Variants in ETV1 observed in about 807,000 individuals in gnomAD.
ETV1 encodes ETS translocation variant 1.
A neutral mutation model predicts 62.3 loss-of-function variants in ETV1; 27 were observed. The observed-to-expected ratio is 0.43, with a 90% confidence interval of 0.32 to 0.60. ETV1 has a LOEUF of 0.60. Among genes scored for constraint, ETV1 ranks in the 20% least tolerant of loss-of-function variants. ETV1 has a pLI of 0.06. For missense variants in ETV1, 605 were observed against 605.8 expected (o/e 1.00, Z 0.01); for synonymous variants, 222 against 199.6 (o/e 1.11, Z -0.94).
chr7:13,916,122 G>A (rs930484805), intron 9 of ETV1, among the ~76,000 whole-genome samples: 1 of 152,178 alleles, frequency 6.6e-6, no homozygotes, highest in Admixed American at 6.5e-5. Flanking sequence ...ACAAGGGAGT[G>A]ATGAATTTAG....
rs1184018622 is a variant in ETV1, at chr7:13,900,724, T to C, written c.1212+14A>G. ...AACATTTCAATGAATTTTAATGCTG[T>C]ATTAGCTGCTCACCTTTTGCATAAT... On this transcript the variant is annotated intron_variant, in intron 13 of 13. Transcript: ENST00000430479. 3 of 1,531,666 alleles carry C rather than the reference T, an allele frequency of 2.0e-6. No individual in the cohort carries two copies. The highest frequency in any genetic ancestry group is 4.5e-5 in the East Asian group (2 of 44,066). 94.9% of individuals were successfully genotyped at this position (1,531,666 alleles called of 1,614,324 possible).
chr7:13,914,085 A>G (rs1360772015), intron 9 of ETV1, among the ~76,000 whole-genome samples: 1 of 151,606 alleles, frequency 6.6e-6, no homozygotes, highest in Non-Finnish European at 1.5e-5. Flanking sequence ...GGGTTTCACC[A>G]TGTTGACCAG....
chr7:13,926,578 C>G (rs11505384), intron 9 of ETV1, among the ~76,000 whole-genome samples: 11,781 of 152,160 alleles, frequency 0.077, 842 homozygotes, highest in African/African-American at 0.19. Flanking sequence ...GTATTTAACA[C>G]TTCTTATGTG....
intron 6 of ETV1, among the ~76,000 whole-genome samples, chr7:13,948,919 T>A (rs1788477766): frequency 6.6e-6 from 1 of 152,132 alleles, no homozygotes; most frequent in Admixed American, 6.6e-5. Context: ...CAGCCTTGTG[T>A]AGCCAATTTT....
chr7:13,907,082 G>GA (rs1183043699), intron 11 of ETV1, among the ~76,000 whole-genome samples: 3 of 152,102 alleles, frequency 2.0e-5, no homozygotes, highest in African/African-American at 7.2e-5. Context: ...ACCTGCTCAT[G>GA]AAAAACTATT....
chr7:13,919,890 CAG>C (rs34895274), intron 9 of ETV1, among the ~76,000 whole-genome samples: 223 of 148,186 alleles, frequency 1.5e-3, no homozygotes, highest in Admixed American at 2.2e-3. Context: ...GACACACACA[CAG>C]AGAGAGAGAG....
chr7:13,927,242 C>T (rs906868988), intron 9 of ETV1, among the ~76,000 whole-genome samples: 16 of 151,850 alleles, frequency 1.1e-4, no homozygotes, highest in African/African-American at 2.7e-4. Flanking sequence ...TGAGGTCAGG[C>T]GTTTGAGACC....
At position 13,943,163 on chromosome 7, in the gene ETV1, G is replaced by C. The variant is rs550317843; in HGVS notation, c.236-3917C>G. Among the ~76,000 whole-genome samples the C allele has an allele frequency of 3.9e-5, 6 of 152,260 alleles. No individual in the cohort carries two copies. The East Asian group carries it at 1.2e-3, about 29-fold the overall frequency. On this transcript the variant is annotated intron_variant, in intron 6 of 13. Transcript: ENST00000430479. ...TCCCCACTTAAAAAATGGGCAAAAA[G>C]TCTTGAAACAGGCCAGTAGTTCACA...
chr7:13,900,075 A>C (rs542405393), intron 13 of ETV1, among the ~76,000 whole-genome samples: 1 of 152,320 alleles, frequency 6.6e-6, no homozygotes, highest in Admixed American at 6.5e-5. Context: ...GTTGCAGTGA[A>C]CCAAGATCAC....
chr7:13,903,688 G>A (rs1324368000), intron 12 of ETV1, among the ~76,000 whole-genome samples: 4 of 150,400 alleles, frequency 2.7e-5, no homozygotes, highest in Non-Finnish European at 5.9e-5. Flanking sequence ...ACTTGAACCC[G>A]GGAGGCAGAG....
intron 7 of ETV1, among the ~76,000 whole-genome samples, chr7:13,937,884 C>G (rs2128458144): frequency 6.6e-6 from 1 of 152,284 alleles, no homozygotes; most frequent in Admixed American, 6.5e-5. Context: ...GACAAGTTTG[C>G]AAGAACAAAT....
rs1442137767 is a variant in ETV1, at chr7:13,900,851, C to T, written c.1111-12G>A. 2 of 1,563,216 alleles carry T rather than the reference C, an allele frequency of 1.3e-6. No individual in the cohort carries two copies. The highest frequency in any genetic ancestry group is 1.8e-6 in the Non-Finnish European group (2 of 1,141,718). On this transcript the variant is annotated splice_polypyrimidine_tract_variant and intron_variant, in intron 12 of 13. Coordinates refer to ENST00000430479, the MANE Select transcript of ETV1 (RefSeq NM_004956.5). ...CAACGTCGGGCCACCTGCCGCGAAA[C>T]AGAATTACATTGTAGTGTTAAGTAT...
At chr7:13,907,662 A>G in intron 11 of ETV1, 2 of 284,388 alleles carry the variant, frequency 7.0e-6, no homozygotes, top group Middle Eastern at 1.5e-3. Context: ...CCCTGCAAGT[A>G]TGTCATTGTT....
At chr7:13,986,613 C>T (rs758348956) in intron 5 of ETV1, 25 bp downstream of exon 5, 1 of 1,610,232 alleles carries the variant, frequency 6.2e-7, no homozygotes, top group South Asian at 1.1e-5. Flanking sequence ...TGCTTTCCCC[C>T]CTTTTAAAGC....
At chr7:13,911,837 T>A (rs1393184674) in intron 9 of ETV1, among the ~76,000 whole-genome samples, 2 of 152,220 alleles carry the variant, frequency 1.3e-5, no homozygotes, top group Non-Finnish European at 2.9e-5. Context: ...GTTAACACTG[T>A]TTCCTGATAT....
intron 6 of ETV1, among the ~76,000 whole-genome samples, chr7:13,941,273 T>C (rs1450394350): frequency 6.6e-6 from 1 of 152,204 alleles, no homozygotes; most frequent in Non-Finnish European, 1.5e-5. Context: ...GACTAGCTAT[T>C]AGATAATTTA....
intron 4 of ETV1, 77 bp downstream of exon 4, chr7:13,988,009 T>C (rs1322518013): frequency 1.2e-6 from 1 of 803,434 alleles, no homozygotes; most frequent in African/African-American, 1.7e-5. Context: ...AAGATAAGAC[T>C]GAAGTGCTCC....
At chr7:13,929,216 G>C (rs1785797279) in intron 9 of ETV1, among the ~76,000 whole-genome samples, 1 of 152,124 alleles carries the variant, frequency 6.6e-6, no homozygotes, top group Non-Finnish European at 1.5e-5. Flanking sequence ...TTCTTAATTA[G>C]AGACACCAGT....
intron 6 of ETV1, among the ~76,000 whole-genome samples, chr7:13,956,097 G>T (rs1789418793): frequency 6.6e-6 from 1 of 152,110 alleles, no homozygotes; most frequent in Admixed American, 6.6e-5. Flanking sequence ...AATTACATTT[G>T]ACTTAGTTGA....
Sources: gnomAD v4.1 joint callset for allele counts (sites outside exome capture counted in the v4.1 genomes callset) on GRCh38, gnomAD v4.1.1 for gene constraint, MANE v1.5 for transcripts, NCBI Gene and HGNC (gene_info 2026-07-23, HGNC 2026-07-21) for gene names.